The following SCIN variants were observed in gnomAD, a reference collection of about 807,000 sequenced individuals.
SCIN encodes the protein adseverin.
In SCIN, 91 loss-of-function variants were observed where a neutral mutation model predicts 91.8. The observed-to-expected ratio is 0.99, with a 90% confidence interval of 0.84 to 1.18. The LOEUF (loss-of-function observed/expected upper bound fraction) is 1.18. Among genes scored for constraint, SCIN ranks in the 50% most tolerant of loss-of-function variants. The pLI is 0.00. For missense variants in SCIN, 1,087 were observed against 863.9 expected (o/e 1.26, Z -3.24); for synonymous variants, 367 against 312.6 (o/e 1.17, Z -1.84).
At chr7:12,580,636 C>G (rs1001711507) in intron 2 of SCIN, among the ~76,000 whole-genome samples, 1 of 152,208 alleles carries the variant, frequency 6.6e-6, no homozygotes, top group African/African-American at 2.4e-5. Flanking sequence ...GCCTTCTTCT[C>G]TGGCTGCTGT....
At position 12,571,106 on chromosome 7, in the gene SCIN, C is replaced by A. The variant is rs554604322; in HGVS notation, c.199+121C>A. On this transcript the variant is annotated intron_variant, in intron 1 of 15. Coordinates refer to ENST00000297029, the MANE Select transcript of SCIN (RefSeq NM_001112706.3). ...CGCAAACTGAGCTAGCCACTCGCGCCCCCACGGGGCTGCCCTTTGGGGCCG... is the reference window on the plus strand; with the variant it reads ...CGCAAACTGAGCTAGCCACTCGCGCACCCACGGGGCTGCCCTTTGGGGCCG... The A allele has an allele frequency of 8.7e-5, 97 of 1,117,058 alleles. No individual in the cohort carries two copies. The African/African-American group carries it at 1.4e-3, about 16-fold the overall frequency. The allele number at this position is 1,117,058 out of a possible 1,614,324, so 69.2% of individuals were successfully genotyped here.
chr7:12,587,486 G>T (rs1032913669), intron 3 of SCIN, among the ~76,000 whole-genome samples: 4 of 152,230 alleles, frequency 2.6e-5, no homozygotes, highest in Admixed American at 2.0e-4. Context: ...CCAGACATTT[G>T]CTAGGGAATA....
chr7:12,640,844 G>A (rs778386449), intron 11 of SCIN, among the ~76,000 whole-genome samples: 1 of 152,150 alleles, frequency 6.6e-6, no homozygotes, highest in South Asian at 2.1e-4. Context: ...ATGGGTGATG[G>A]TCAGGTGACT....
Position 12,575,081 on chromosome 7 carries a change from A to C in SCIN, c.200-2983A>C, listed in dbSNP as rs76872524. Among the ~76,000 whole-genome samples the C allele has an allele frequency of 1.8e-3, 267 of 152,204 alleles. 2 individuals are homozygous for C. Among genetic ancestry groups the C allele is most frequent in the African/African-American group, 6.2e-3 (257 of 41,558 alleles). On this transcript the variant is annotated intron_variant, in intron 1 of 15. Transcript: ENST00000297029. The stretch of plus-strand genomic sequence containing the variant: ...TTTAAACTATATGCCTGAGTATTTC[A>C]GTTTCTTTGGAGTGATTGTCAATAG...
intron 1 of SCIN, 31 bp downstream of exon 1, chr7:12,571,016 G>A (rs1782257590): frequency 2.0e-6 from 3 of 1,536,270 alleles, no homozygotes; most frequent in Non-Finnish European, 8.8e-7. Context: ...GGACCCCGAC[G>A]CACCAAGGCC....
chr7:12,608,583 T>C (rs371875722), intron 4 of SCIN, among the ~76,000 whole-genome samples: 4 of 152,250 alleles, frequency 2.6e-5, no homozygotes, highest in East Asian at 3.9e-4. Context: ...GTTCAAGTGA[T>C]TCTCCTGCCT....
chr7:12,644,465 G>C (rs1783918589), intron 12 of SCIN, 119 bp from the exon 13 acceptor site: 2 of 1,477,002 alleles, frequency 1.4e-6, no homozygotes, highest in African/African-American at 1.4e-5. Flanking sequence ...GATGGTACCT[G>C]ATTTCTTTAA....
intron 9 of SCIN, among the ~76,000 whole-genome samples, chr7:12,632,114 A>G (rs1783656511): frequency 7.0e-6 from 1 of 142,904 alleles, no homozygotes; most frequent in African/African-American, 2.7e-5. Context: ...ATTTTATTTT[A>G]TTTTATTTTA....
In SCIN at chr7:12,655,368, A is replaced by C. The variant is rs1784148878; in HGVS notation, c.*2653A>C. 6.6e-6 allele frequency: 1 copy of C among 152,212 alleles called. No homozygotes were observed. The highest frequency in any genetic ancestry group is 1.5e-5 in the Non-Finnish European group (1 of 68,024). 9.4% of individuals were successfully genotyped at this position (152,212 alleles called of 1,614,324 possible). On this transcript the variant is annotated 3_prime_UTR_variant, in exon 16 of 16. Coordinates refer to ENST00000297029, the MANE Select transcript of SCIN (RefSeq NM_001112706.3). The stretch of plus-strand genomic sequence containing the variant: ...ATATGTAATACATACAGCTAATGTT[A>C]TAGCTACTTAAGGAATTCCTTTCAC...
rs1784170075 is a variant in SCIN, at chr7:12,656,821, G to A, written c.*4106G>A. The A allele has an allele frequency of 1.3e-5, 2 of 152,112 alleles. No individual in the cohort carries two copies. The highest frequency in any genetic ancestry group is 1.3e-4 in the Admixed American group (2 of 15,258). The allele number at this position is 152,112 out of a possible 1,614,324, so 9.4% of individuals were successfully genotyped here. A position where few individuals can be genotyped will look rare whatever the true frequency, so the allele number is the denominator to read the frequency against. On this transcript the variant is annotated 3_prime_UTR_variant, in exon 16 of 16. Coordinates refer to ENST00000297029, the MANE Select transcript of SCIN (RefSeq NM_001112706.3). ...GCCTGTAATCCTAGCTACTCGGGAG[G>A]CTGAGGCAGGAGAATCGCTTGAACC...
At position 12,626,764 on chromosome 7, in the gene SCIN, C is replaced by T. The variant is rs745530516; in HGVS notation, c.1162C>T (p.His388Tyr). Residue 388 changes from histidine (H) to tyrosine (Y), a missense_variant, in exon 8 of 16, where the codon CAC (histidine) becomes TAC (tyrosine). His to Tyr is a moderately conservative substitution (Grantham distance 83). Transcript: ENST00000297029. ...LHSSPQMAAQ[H>Y]NMVDDGSGKV... Reference sequence around the variant, plus strand: ...CAGTTCTCCGCAGATGGCAGCCCAGCACAATATGGTGGATGATGGTTCTGG... The same window carrying T: ...CAGTTCTCCGCAGATGGCAGCCCAGTACAATATGGTGGATGATGGTTCTGG... 1 of 1,610,480 alleles carries T rather than the reference C, an allele frequency of 6.2e-7. No homozygotes were observed. Among genetic ancestry groups the T allele is most frequent in the African/African-American group, 1.3e-5 (1 of 74,886 alleles).
chr7:12,571,077 G>A (rs1562589898), intron 1 of SCIN, 92 bp downstream of exon 1: 7 of 1,357,192 alleles, frequency 5.2e-6, no homozygotes, highest in Middle Eastern at 2.6e-4. Context: ...GGAGTAAAGG[G>A]GACCGCAAAC....
In SCIN at chr7:12,605,254, T is replaced by C. The variant is rs189092555; in HGVS notation, c.666+591T>C. Among the ~76,000 whole-genome samples, 297 of 152,274 alleles carry C rather than the reference T, an allele frequency of 2.0e-3. 2 individuals are homozygous for C. The highest frequency in any genetic ancestry group is 0.014 in the Middle Eastern group (4 of 294). On this transcript the variant is annotated intron_variant, in intron 4 of 15. Coordinates refer to ENST00000297029, the MANE Select transcript of SCIN (RefSeq NM_001112706.3). Reference sequence around the variant, plus strand: ...TTTTGGTAGACGCAGGGCTTCACCATGTTAGCCAGTGGTCCTGATCCCCTG... The same window carrying C: ...TTTTGGTAGACGCAGGGCTTCACCACGTTAGCCAGTGGTCCTGATCCCCTG...
At chr7:12,626,891 A>C in intron 8 of SCIN, 92 bp downstream of exon 8, 2 of 1,148,000 alleles carry the variant, frequency 1.7e-6, no homozygotes, top group Non-Finnish European at 2.5e-6. Context: ...GGAGTTCGAG[A>C]TCAGCCTGGC....
At chr7:12,617,492 G>C in intron 4 of SCIN, among the ~76,000 whole-genome samples, 1 of 152,084 alleles carries the variant, frequency 6.6e-6, no homozygotes, top group Non-Finnish European at 1.5e-5. Flanking sequence ...TCCAAAGTGG[G>C]TTTGAAGCCT....
intron 11 of SCIN, among the ~76,000 whole-genome samples, chr7:12,643,040 G>A (rs1029912847): frequency 2.6e-5 from 4 of 151,896 alleles, no homozygotes; most frequent in East Asian, 1.9e-4. Flanking sequence ...CATTATCTAC[G>A]GGCATTCTCA....
intron 2 of SCIN, among the ~76,000 whole-genome samples, chr7:12,579,324 C>T (rs1333478827): frequency 6.6e-6 from 1 of 152,112 alleles, no homozygotes; most frequent in Non-Finnish European, 1.5e-5. Flanking sequence ...CTATGAACTA[C>T]CCTAAATACA....
Position 12,655,899 on chromosome 7 carries a change from G to A in SCIN, c.*3184G>A, listed in dbSNP as rs570178485. On this transcript the variant is annotated 3_prime_UTR_variant, in exon 16 of 16. Transcript: ENST00000297029. ...AGAAAGAAAGAACAGAAAGACCCAGGAAGCCTACTGTTAGTAGAGGTCAGC... is the reference window on the plus strand; with the variant it reads ...AGAAAGAAAGAACAGAAAGACCCAGAAAGCCTACTGTTAGTAGAGGTCAGC... 5 of 152,150 alleles carry A rather than the reference G, an allele frequency of 3.3e-5. No homozygotes were observed. In the South Asian group the frequency reaches 8.3e-4, roughly 25 times the overall value. The allele number at this position is 152,150 out of a possible 1,614,324, so 9.4% of individuals were successfully genotyped here.
At position 12,616,222 on chromosome 7, in the gene SCIN, G is replaced by A. The variant is rs117405259; in HGVS notation, c.667-6579G>A. Among the ~76,000 whole-genome samples, 10 of 152,176 alleles carry A rather than the reference G, an allele frequency of 6.6e-5. No individual in the cohort carries two copies. In the East Asian group the frequency reaches 1.5e-3, roughly 24 times the overall value. ...AGAGACACTGTAGTGAAGCCCCAGCGGTGAGAGGAGAATGATCTTTATGGA... is the reference window on the plus strand; with the variant it reads ...AGAGACACTGTAGTGAAGCCCCAGCAGTGAGAGGAGAATGATCTTTATGGA... On this transcript the variant is annotated intron_variant, in intron 4 of 15. Coordinates refer to ENST00000297029, the MANE Select transcript of SCIN (RefSeq NM_001112706.3).
Sources: gnomAD v4.1 joint callset for allele counts (sites outside exome capture counted in the v4.1 genomes callset) on GRCh38, gnomAD v4.1.1 for gene constraint, MANE v1.5 for transcripts, NCBI Gene and HGNC (gene_info 2026-07-23, HGNC 2026-07-21) for gene names.